RFC3: variants seen among roughly 807,000 people sequenced by gnomAD.
RFC3 encodes the protein A1 38 kDa subunit.
In RFC3, 41 loss-of-function variants were observed where a neutral mutation model predicts 45.1. The observed-to-expected ratio is 0.91, with a 90% CI of 0.71 to 1.18. The LOEUF is 1.18. Among genes scored for constraint, RFC3 ranks in the 50% most tolerant of loss-of-function variants. The pLI, the probability that RFC3 is intolerant of heterozygous loss-of-function variation, is 0.00. For missense variants in RFC3, 423 were observed against 428.1 expected (o/e 0.99, Z 0.10); for synonymous variants, 149 against 144.0 (o/e 1.03, Z -0.25).
chr13:33,901,808 A>G (rs1346426413), intron 8 of RFC3, among the ~76,000 whole-genome samples: 1 of 152,116 alleles, frequency 6.6e-6, no homozygotes, highest in African/African-American at 2.4e-5. Context: ...ATGTATTAAT[A>G]TATCTTTTAT....
chr13:33,842,298 A>AG (rs1301576626), downstream of RFC3, among the ~76,000 whole-genome samples: 1 of 152,132 alleles, frequency 6.6e-6, no homozygotes, highest in Non-Finnish European at 1.5e-5. Flanking sequence ...AGGAAAAAAA[A>AG]AAAAAGAAAA....
chr13:33,918,713 C>T (rs1235775381), intron 8 of RFC3, among the ~76,000 whole-genome samples: 1 of 152,108 alleles, frequency 6.6e-6, no homozygotes, highest in African/African-American at 2.4e-5. Context: ...AACCGCCCGA[C>T]AGGAAGGCCG....
chr13:33,926,512 A>G (rs942406277), intron 8 of RFC3, among the ~76,000 whole-genome samples: 1 of 152,146 alleles, frequency 6.6e-6, no homozygotes, highest in Admixed American at 6.6e-5. Context: ...GTATTTGTTT[A>G]TGTATTAGCC....
intron 8 of RFC3, among the ~76,000 whole-genome samples, chr13:33,865,764 T>C (rs4943158): frequency 0.81 from 123,247 of 152,118 alleles, 51,411 homozygotes; most frequent in Non-Finnish European, 0.93. Flanking sequence ...TCAGAAAATA[T>C]TCAGTGTGGC....
At chr13:33,843,283 G>A (rs1348883679) in intron 8 of RFC3, among the ~76,000 whole-genome samples, 1 of 151,414 alleles carries the variant, frequency 6.6e-6, no homozygotes, top group Non-Finnish European at 1.5e-5. Flanking sequence ...TTTGATTATA[G>A]TGTACAAGAT....
At chr13:33,869,293 A>G (rs1173241944) in intron 8 of RFC3, among the ~76,000 whole-genome samples, 1 of 152,192 alleles carries the variant, frequency 6.6e-6, no homozygotes, top group Non-Finnish European at 1.5e-5. Flanking sequence ...CTTGTAACCA[A>G]GAGCCTTGAC....
intron 8 of RFC3, among the ~76,000 whole-genome samples, chr13:33,952,407 G>A (rs1311527482): frequency 6.7e-6 from 1 of 149,320 alleles, no homozygotes; most frequent in African/African-American, 2.5e-5. Context: ...CACATACTTT[G>A]GAATCTGAAA....
downstream of RFC3, among the ~76,000 whole-genome samples, chr13:33,842,123 T>C (rs1447928007): frequency 6.6e-6 from 1 of 151,912 alleles, no homozygotes; most frequent in Non-Finnish European, 1.5e-5. Flanking sequence ...CTACAAATGA[T>C]AAACAAAATA....
intron 8 of RFC3, among the ~76,000 whole-genome samples, chr13:33,884,057 G>A (rs1004628853): frequency 6.6e-6 from 1 of 152,174 alleles, no homozygotes; most frequent in South Asian, 2.1e-4. Context: ...GCTCAACTGT[G>A]TATCCTGAAA....
chr13:33,909,943 A>G (rs1312218162), intron 8 of RFC3, among the ~76,000 whole-genome samples: 1 of 152,160 alleles, frequency 6.6e-6, no homozygotes, highest in Non-Finnish European at 1.5e-5. Flanking sequence ...GGTCTATCAT[A>G]AAAAGGTAGT....
chr13:33,838,511 G>A (rs1026671381), downstream of RFC3, among the ~76,000 whole-genome samples: 1 of 152,080 alleles, frequency 6.6e-6, no homozygotes, highest in Non-Finnish European at 1.5e-5. Context: ...TGACAAGTTA[G>A]CCAGTAGTCT....
Position 33,836,273 on chromosome 13 carries a change from G to T in RFC3, c.1049G>T (p.Gly350Val). Residue 350 changes from glycine (G) to valine (V), a missense_variant, in exon 9 of 9, where the codon GGA (glycine) becomes GTA (valine). By Grantham distance (109) the Gly-to-Val change is moderately radical. Transcript: ENST00000380071. ...CTTTATAAGAAGTTCATGGAGGATG[G>T]ATTGGAAGGCATGATGTTCTGACTT... ...MALYKKFMED[G>V]LEGMMF 1.2e-6 allele frequency: 2 copies of T among 1,613,034 alleles called. No homozygotes were observed. Among genetic ancestry groups the T allele is most frequent in the South Asian group, 1.1e-5 (1 of 91,002 alleles).
intron 8 of RFC3, chr13:33,849,064 GCAGA>G (rs1010260743): frequency 4.1e-4 from 14 of 33,846 alleles, no homozygotes; most frequent in African/African-American, 7.9e-4. Context: ...AGATAGACAG[GCAGA>G]CAGACAGGCA....
chr13:33,888,994 T>TCGGC (rs1448902437), intron 8 of RFC3, among the ~76,000 whole-genome samples: 1 of 152,214 alleles, frequency 6.6e-6, no homozygotes, highest in Non-Finnish European at 1.5e-5. Flanking sequence ...TCCAGCCACC[T>TCGGC]CGGCCTCCCA....
Position 33,830,782 on chromosome 13 carries a change from CAT to C in RFC3, c.639_640del (p.His213GlnfsTer8). 1 of 1,612,684 alleles carries C rather than the reference CAT, an allele frequency of 6.2e-7. No homozygotes were observed. The highest frequency in any genetic ancestry group is 8.5e-7 in the Non-Finnish European group (1 of 1,178,744). Reference protein sequence around the residue: ...EGLNLPSQLAHRLAEKSCRNL... With the variant: ...EGLNLPSQLAXRLAEKSCRNL... ...TCTGAATCTTCCTTCACAACTGGCTCATAGACTTGCAGAGAAGTCTTGTAGAA... is the reference window on the plus strand; with the variant it reads ...TCTGAATCTTCCTTCACAACTGGCTCAGACTTGCAGAGAAGTCTTGTAGAA... On this transcript the variant is annotated frameshift_variant, in exon 6 of 9. Transcript: ENST00000380071. LOFTEE classifies it high-confidence loss of function.
chr13:33,957,373 A>G (rs116616597), intron 8 of RFC3, among the ~76,000 whole-genome samples: 2,158 of 152,258 alleles, frequency 0.014, 37 homozygotes, highest in African/African-American at 0.046. Context: ...TAGGACCTAT[A>G]TTTTGTAATG....
At chr13:33,952,052 T>C (rs896879275) in intron 8 of RFC3, among the ~76,000 whole-genome samples, 2 of 152,250 alleles carry the variant, frequency 1.3e-5, no homozygotes, top group African/African-American at 4.8e-5. Flanking sequence ...CAATTGAACA[T>C]TCATTTGTTG....
chr13:33,921,061 A>AAACC (rs1481274041), intron 8 of RFC3, among the ~76,000 whole-genome samples: 37 of 152,286 alleles, frequency 2.4e-4, no homozygotes, highest in African/African-American at 8.7e-4. Flanking sequence ...GCATTCTCTG[A>AAACC]AACCAAACAA....
chr13:33,965,813 C>T (rs931656513), intron 8 of RFC3, among the ~76,000 whole-genome samples: 1 of 152,154 alleles, frequency 6.6e-6, no homozygotes, highest in Admixed American at 6.5e-5. Context: ...TCTCTAAGCA[C>T]CTGGACAGGG....
Sources: allele counts gnomAD v4.1 joint callset (sites outside exome capture counted in the v4.1 genomes callset), GRCh38; gene constraint gnomAD v4.1.1; transcripts MANE v1.5; gene names NCBI Gene and HGNC (gene_info 2026-07-23, HGNC 2026-07-21).